The following CDK19 variants were observed in gnomAD, a reference collection of about 807,000 sequenced individuals.
The protein encoded by CDK19 is cyclin-dependent kinase 19.
A neutral mutation model predicts 68.3 loss-of-function variants in CDK19; 20 were observed. That is an observed-to-expected ratio of 0.29 (90% confidence interval 0.21 to 0.43). CDK19 has a LOEUF of 0.43. Ranked by LOEUF, CDK19 falls within the 20% of genes least tolerant of loss-of-function variation. CDK19 has a pLI of 1.00. For missense variants in CDK19, 339 were observed against 623.5 expected, an observed-to-expected ratio of 0.54 and a Z score of 4.86; for synonymous variants, 221 against 222.8, an observed-to-expected ratio of 0.99 and a Z score of 0.07.
At chr6:110,734,520 G>GCTCTCTCTCTCTCCGTCTCTCTCTCT (rs1777054797) in intron 2 of CDK19, among the ~76,000 whole-genome samples, 1 of 85,734 alleles carries the variant, frequency 1.2e-5, no homozygotes, top group Non-Finnish European at 2.3e-5. Flanking sequence ...GGTGAGCACT[G>GCTCTCTCTCTCTCCGTCTCTCTCTCT]CTCTCTCTCT....
chr6:110,786,979 T>C (rs916950973), intron 1 of CDK19, among the ~76,000 whole-genome samples: 1 of 152,182 alleles, frequency 6.6e-6, no homozygotes, highest in Non-Finnish European at 1.5e-5. Context: ...AATTCTATCC[T>C]TCTATCCCTT....
At chr6:110,630,102 C>G (rs1385575777) in intron 6 of CDK19, among the ~76,000 whole-genome samples, 1 of 152,162 alleles carries the variant, frequency 6.6e-6, no homozygotes, top group South Asian at 2.1e-4. Context: ...ATATGGGTCC[C>G]GCACAACAGA....
At chr6:110,688,985 T>A (rs897312231) in intron 2 of CDK19, among the ~76,000 whole-genome samples, 3 of 152,086 alleles carry the variant, frequency 2.0e-5, no homozygotes, top group African/African-American at 7.2e-5. Context: ...GCAGTTGCTA[T>A]CTCCAGGTAA....
At chr6:110,762,388 C>G (rs748884176) in intron 1 of CDK19, among the ~76,000 whole-genome samples, 9 of 152,134 alleles carry the variant, frequency 5.9e-5, no homozygotes, top group Non-Finnish European at 1.0e-4. Context: ...CTGCATTCAC[C>G]AAGCATGTGT....
At chr6:110,726,297 A>G (rs1776309297) in intron 2 of CDK19, among the ~76,000 whole-genome samples, 2 of 152,204 alleles carry the variant, frequency 1.3e-5, no homozygotes, top group African/African-American at 4.8e-5. Context: ...AAGCATTTTG[A>G]GTAAGAATAA....
intron 2 of CDK19, among the ~76,000 whole-genome samples, chr6:110,694,129 A>G (rs1218558103): frequency 6.6e-6 from 1 of 152,024 alleles, no homozygotes; most frequent in African/African-American, 2.4e-5. Flanking sequence ...TGAATGGAAC[A>G]GTAACTCACA....
At chr6:110,749,217 G>A (rs1187335262) in intron 1 of CDK19, among the ~76,000 whole-genome samples, 2 of 152,104 alleles carry the variant, frequency 1.3e-5, no homozygotes, top group Non-Finnish European at 2.9e-5. Flanking sequence ...ATATCAAGAT[G>A]TTTCTTCTAT....
At chr6:110,769,834 C>T (rs1277128112) in intron 1 of CDK19, among the ~76,000 whole-genome samples, 8 of 152,008 alleles carry the variant, frequency 5.3e-5, no homozygotes, top group East Asian at 1.9e-4. Context: ...TAGCAAAATA[C>T]ACCACAGTCA....
At chr6:110,716,030 T>C (rs1393605751) in intron 2 of CDK19, among the ~76,000 whole-genome samples, 1 of 144,846 alleles carries the variant, frequency 6.9e-6, no homozygotes, top group Non-Finnish European at 1.5e-5. Context: ...CAATGCTAAT[T>C]ATGTTTTAAA....
intron 2 of CDK19, among the ~76,000 whole-genome samples, chr6:110,680,644 T>A (rs976428244): frequency 2.0e-5 from 3 of 152,160 alleles, no homozygotes; most frequent in Non-Finnish European, 4.4e-5. Flanking sequence ...TAGCCTCAAA[T>A]ATATATACTA....
intron 4 of CDK19, among the ~76,000 whole-genome samples, chr6:110,640,487 T>A (rs976665070): frequency 6.6e-6 from 1 of 152,102 alleles, no homozygotes; most frequent in Non-Finnish European, 1.5e-5. Flanking sequence ...TTAACAGGAC[T>A]TTGTGACTGG....
At chr6:110,763,164 T>A (rs1450137482) in intron 1 of CDK19, among the ~76,000 whole-genome samples, 1 of 152,120 alleles carries the variant, frequency 6.6e-6, no homozygotes, top group Non-Finnish European at 1.5e-5. Flanking sequence ...CTGAATCCCA[T>A]AATTTAAAAA....
At chr6:110,719,538 T>C (rs1178918075) in intron 2 of CDK19, among the ~76,000 whole-genome samples, 2 of 151,844 alleles carry the variant, frequency 1.3e-5, no homozygotes, top group Non-Finnish European at 2.9e-5. Context: ...AATAAATAAA[T>C]AAATCTAAAC....
chr6:110,806,286 G>A (rs1214888809), intron 1 of CDK19, among the ~76,000 whole-genome samples: 1 of 150,924 alleles, frequency 6.6e-6, no homozygotes, highest in Non-Finnish European at 1.5e-5. Context: ...GTTGCGGTGA[G>A]CCAAGATCGT....
Position 110,814,458 on chromosome 6 carries a change from G to C in CDK19, c.128+551C>G, listed in dbSNP as rs1384371491. The C allele has an allele frequency of 8.2e-6, 3 of 364,066 alleles. No individual in the cohort carries two copies. In the East Asian group the frequency reaches 2.5e-4, roughly 31 times the overall value. The allele number at this position is 364,066 out of a possible 1,614,324, so 22.6% of individuals were successfully genotyped here. The stretch of plus-strand genomic sequence containing the variant: ...GAGAAGCCAACGGGCCGGCCAGCCC[G>C]AAGGGCGGAGATCGCTGCTGGGGGC... On this transcript the variant is annotated intron_variant, in intron 1 of 12. Coordinates refer to ENST00000368911, the MANE Select transcript of CDK19 (RefSeq NM_015076.5).
chr6:110,720,748 T>C (rs375847783), intron 2 of CDK19, among the ~76,000 whole-genome samples: 2 of 150,938 alleles, frequency 1.3e-5, no homozygotes, highest in South Asian at 4.2e-4. Context: ...ACACCTGTAG[T>C]CCCAGCTACT....
intron 2 of CDK19, among the ~76,000 whole-genome samples, chr6:110,738,649 T>C (rs1396254728): frequency 6.6e-6 from 1 of 152,172 alleles, no homozygotes; most frequent in Non-Finnish European, 1.5e-5. Flanking sequence ...TTAAGCTTGG[T>C]AGAAATTAAA....
At chr6:110,725,540 C>CAG (rs1037244008) in intron 2 of CDK19, among the ~76,000 whole-genome samples, 2 of 151,764 alleles carry the variant, frequency 1.3e-5, no homozygotes, top group Non-Finnish European at 1.5e-5. Flanking sequence ...AATCAGTAGA[C>CAG]AGAGAGAGAG....
Position 110,685,491 on chromosome 6 carries a change from CT to C in CDK19, c.205-14951del, listed in dbSNP as rs534340701. Among the ~76,000 whole-genome samples, 5 of 152,288 alleles carry C rather than the reference CT, an allele frequency of 3.3e-5. No individual in the cohort carries two copies. The South Asian group carries it at 1.0e-3, about 32-fold the overall frequency. On this transcript the variant is annotated intron_variant, in intron 2 of 12. Transcript: ENST00000368911. Reference sequence around the variant, plus strand: ...TATGACATAGTATAATTGTCTCCCCCTAACTGATTGTAAGATGCAGGGACTG... The same window carrying C: ...TATGACATAGTATAATTGTCTCCCCCAACTGATTGTAAGATGCAGGGACTG...
Sources: gnomAD v4.1 joint callset for allele counts (sites outside exome capture counted in the v4.1 genomes callset) on GRCh38, gnomAD v4.1.1 for gene constraint, MANE v1.5 for transcripts, NCBI Gene and HGNC (gene_info 2026-07-23, HGNC 2026-07-21) for gene names.